The following ANKRD63 variants were observed in gnomAD, a reference collection of about 807,000 sequenced individuals.
The protein encoded by ANKRD63 is ankyrin repeat domain-containing protein 63.
Under a neutral mutation model 21.2 loss-of-function variants are expected in ANKRD63, and 18 were observed. That is an observed-to-expected ratio of 0.85 (90% confidence interval 0.59 to 1.26). The LOEUF is 1.26. Among genes scored for constraint, ANKRD63 ranks in the 50% most tolerant of loss-of-function variants. ANKRD63 has a pLI of 0.00. For missense variants in ANKRD63, 523 were observed against 570.9 expected (o/e 0.92, Z 0.85); for synonymous variants, 322 against 273.3 (o/e 1.18, Z -1.76).
rs2039532620 is a variant in ANKRD63, at chr15:40,280,756, G to C, written c.*688C>G. 6.6e-6 allele frequency among the ~76,000 whole-genome samples: 1 copy of C among 152,246 alleles called. No homozygotes were observed. Among genetic ancestry groups the C allele is most frequent in the Non-Finnish European group, 1.5e-5 (1 of 68,040 alleles). ...ATTATCAATGAAGCTGAATCCTGGG[G>C]CAGAGAGAGAGGGAGCTGGAGTTAC... On this transcript the variant is annotated 3_prime_UTR_variant, in exon 1 of 1. Transcript: ENST00000434396.
chr15:40,281,459 C>T lies in ANKRD63; in HGVS notation c.1128G>A (p.Leu376=). The stretch of plus-strand genomic sequence containing the variant: ...TTGGCGCCGTTTACCGCTGAGCACG[C>T]AGCACCACAGCCTCGGTGCCCGCCT... ...PWQAGTEAVV[L]RAQR Residue 376 remains leucine (L), a synonymous_variant, in exon 1 of 1, where the codon CTG becomes CTA. Transcript: ENST00000434396. 7.0e-7 allele frequency: 1 copy of T among 1,419,430 alleles called. No individual in the cohort carries two copies. Among genetic ancestry groups the T allele is most frequent in the Non-Finnish European group, 9.2e-7 (1 of 1,091,536 alleles). 87.9% of individuals were successfully genotyped at this position (1,419,430 alleles called of 1,614,324 possible).
Position 40,281,338 on chromosome 15 carries a change from G to A in ANKRD63, c.*106C>T. 3 of 1,027,466 alleles carry A rather than the reference G, an allele frequency of 2.9e-6. No homozygotes were observed. Among genetic ancestry groups the A allele is most frequent in the South Asian group, 2.5e-5 (1 of 39,656 alleles). 63.6% of individuals were successfully genotyped at this position (1,027,466 alleles called of 1,614,324 possible). Reference sequence around the variant, plus strand: ...TGGCAGGGAGGCAGGTTCCAAAATGGACTGCGGGGGGCGGCTGCCGAAAAG... The same window carrying A: ...TGGCAGGGAGGCAGGTTCCAAAATGAACTGCGGGGGGCGGCTGCCGAAAAG... On this transcript the variant is annotated 3_prime_UTR_variant, in exon 1 of 1. Coordinates refer to ENST00000434396, the MANE Select transcript of ANKRD63 (RefSeq NM_001190479.3).
At position 40,279,638 on chromosome 15, in the gene ANKRD63, GC is replaced by G. The variant is rs1420425056; in HGVS notation, c.*1805del. Among the ~76,000 whole-genome samples, 1 of 152,216 alleles carries G rather than the reference GC, an allele frequency of 6.6e-6. No homozygotes were observed. The highest frequency in any genetic ancestry group is 1.5e-5 in the Non-Finnish European group (1 of 68,040). Reference sequence around the variant, plus strand: ...CCTAGCGGATGGGGGCAAGCGGAGGGCAAGGACTGGATAGGTGTCCTGACAC... The same window carrying G: ...CCTAGCGGATGGGGGCAAGCGGAGGGAAGGACTGGATAGGTGTCCTGACAC... On this transcript the variant is annotated 3_prime_UTR_variant, in exon 1 of 1. Transcript: ENST00000434396.
Position 40,282,988 on chromosome 15 carries a change from G to C in ANKRD63, c.-402C>G, listed in dbSNP as rs1049032480. On this transcript the variant is annotated 5_prime_UTR_variant, in exon 1 of 1. Transcript: ENST00000434396. ...GTGCCACTCACCCGCACCCAGGGCA[G>C]CCCCCGCTCCCCCGCAGCGACGGTG... 6.6e-6 allele frequency among the ~76,000 whole-genome samples: 1 copy of C among 152,202 alleles called. No individual in the cohort carries two copies. The highest frequency in any genetic ancestry group is 1.5e-5 in the Non-Finnish European group (1 of 68,010).
In ANKRD63 at chr15:40,280,137, A is replaced by C. The variant is rs2039524833; in HGVS notation, c.*1307T>G. Among the ~76,000 whole-genome samples, 2 of 152,250 alleles carry C rather than the reference A, an allele frequency of 1.3e-5. No individual in the cohort carries two copies. Among genetic ancestry groups the C allele is most frequent in the Non-Finnish European group, 2.9e-5 (2 of 68,044 alleles). Reference sequence around the variant, plus strand: ...GGCCTGCGTCCCACGCGGTAGGACCAAGGCAGGAGTCCCGGGTCTCGAACT... The same window carrying C: ...GGCCTGCGTCCCACGCGGTAGGACCCAGGCAGGAGTCCCGGGTCTCGAACT... On this transcript the variant is annotated 3_prime_UTR_variant, in exon 1 of 1. Transcript: ENST00000434396.
rs577993255 is a variant in ANKRD63, at chr15:40,283,055, G to T, written c.-469C>A. Among the ~76,000 whole-genome samples, 8 of 152,336 alleles carry T rather than the reference G, an allele frequency of 5.3e-5. No homozygotes were observed. In the East Asian group the frequency reaches 1.5e-3, roughly 29 times the overall value. ...CCTGCCTCCAGCCCTGGCGGGGCGC[G>T]CCGCTCCTCAAGCTGCTGGCGCCGT... On this transcript the variant is annotated 5_prime_UTR_variant, in exon 1 of 1. Coordinates refer to ENST00000434396, the MANE Select transcript of ANKRD63 (RefSeq NM_001190479.3).
At position 40,282,687 on chromosome 15, in the gene ANKRD63, T is replaced by G. The variant is rs547402653; in HGVS notation, c.-101A>C. On this transcript the variant is annotated 5_prime_UTR_variant, in exon 1 of 1. Coordinates refer to ENST00000434396, the MANE Select transcript of ANKRD63 (RefSeq NM_001190479.3). ...CGGCCTCCGCCCGCGCTCTGATACCTCTCCCTCCGCGCGTGGGCGGCTGCA... is the reference window on the plus strand; with the variant it reads ...CGGCCTCCGCCCGCGCTCTGATACCGCTCCCTCCGCGCGTGGGCGGCTGCA... 2.0e-5 allele frequency: 18 copies of G among 900,782 alleles called. No homozygotes were observed. The East Asian group carries it at 4.4e-4, about 22-fold the overall frequency. 55.8% of individuals were successfully genotyped at this position (900,782 alleles called of 1,614,324 possible).
rs1028348617 is a variant in ANKRD63, at chr15:40,282,257, G to C, written c.330C>G (p.Pro110=). Residue 110 remains proline, a synonymous_variant, in exon 1 of 1, where the codon CCC becomes CCG. Coordinates refer to ENST00000434396, the MANE Select transcript of ANKRD63 (RefSeq NM_001190479.3). Reference sequence around the variant, plus strand: ...TGTTGCCCGCAGAGTCGGCCGCCTCGGGGTCACCGCTGAACTGCACCAGCA... The same window carrying C: ...TGTTGCCCGCAGAGTCGGCCGCCTCCGGGTCACCGCTGAACTGCACCAGCA... ...VQLLVQFSGD[P]EAADSAGNSP... is the part of the protein sequence containing the mutation. 8.6e-6 allele frequency: 13 copies of C among 1,519,768 alleles called. No homozygotes were observed. The highest frequency in any genetic ancestry group is 2.4e-5 in the South Asian group (2 of 82,790). The allele number at this position is 1,519,768 out of a possible 1,614,324, so 94.1% of individuals were successfully genotyped here. A position where few individuals can be genotyped will look rare whatever the true frequency, so the allele number is the denominator to read the frequency against.
At position 40,280,893 on chromosome 15, in the gene ANKRD63, G is replaced by C. The variant is rs2039533901; in HGVS notation, c.*551C>G. Reference sequence around the variant, plus strand: ...GTTTCTACCCTGGAAAAACATAACAGCCAGACCCCTTCCTCCTCAACCCTC... The same window carrying C: ...GTTTCTACCCTGGAAAAACATAACACCCAGACCCCTTCCTCCTCAACCCTC... On this transcript the variant is annotated 3_prime_UTR_variant, in exon 1 of 1. Coordinates refer to ENST00000434396, the MANE Select transcript of ANKRD63 (RefSeq NM_001190479.3). 6.6e-6 allele frequency among the ~76,000 whole-genome samples: 1 copy of C among 152,196 alleles called. No individual in the cohort carries two copies. The highest frequency in any genetic ancestry group is 2.4e-5 in the African/African-American group (1 of 41,446).
At position 40,281,497 on chromosome 15, in the gene ANKRD63, G is replaced by T; in HGVS notation, c.1090C>A (p.Pro364Thr). 1 of 1,468,704 alleles carries T rather than the reference G, an allele frequency of 6.8e-7. No individual in the cohort carries two copies. The highest frequency in any genetic ancestry group is 1.4e-5 in the African/African-American group (1 of 70,208). The allele number at this position is 1,468,704 out of a possible 1,614,324, so 91.0% of individuals were successfully genotyped here. Residue 364 changes from proline to threonine, a missense_variant, in exon 1 of 1, where the codon CCG becomes ACG. Coordinates refer to ENST00000434396, the MANE Select transcript of ANKRD63 (RefSeq NM_001190479.3). ...TCGGTGCCCGCCTGCCAAGGGTTCG[G>T]CCCAGGCACCGAGACAGACAGAGCG... Reference protein sequence around the residue: ...ANALSVSVPGPNPWQAGTEAV... With the variant: ...ANALSVSVPGTNPWQAGTEAV...
chr15:40,282,576 G>C lies in ANKRD63; in HGVS notation c.11C>G (p.Pro4Arg). MLK[P>R]KDLCPRAGTR... ...CCCCGCTCGGGGGCACAGGTCCTTG[G>C]GTTTGAGCATGGCCCCGGCCGCCGC... Residue 4 changes from proline to arginine, a missense_variant, in exon 1 of 1, where the codon CCC (proline) becomes CGC (arginine). Coordinates refer to ENST00000434396, the MANE Select transcript of ANKRD63 (RefSeq NM_001190479.3). 1.4e-6 allele frequency: 2 copies of C among 1,426,938 alleles called. No homozygotes were observed. Among genetic ancestry groups the C allele is most frequent in the Non-Finnish European group, 1.8e-6 (2 of 1,094,972 alleles). The allele number at this position is 1,426,938 out of a possible 1,614,324, so 88.4% of individuals were successfully genotyped here.
Position 40,282,625 on chromosome 15 carries a change from C to G in ANKRD63, c.-39G>C. 7.4e-7 allele frequency: 1 copy of G among 1,350,250 alleles called. No individual in the cohort carries two copies. The highest frequency in any genetic ancestry group is 9.5e-7 in the Non-Finnish European group (1 of 1,053,146). 83.6% of individuals were successfully genotyped at this position (1,350,250 alleles called of 1,614,324 possible). A position where few individuals can be genotyped will look rare whatever the true frequency, so the allele number is the denominator to read the frequency against. ...GCGCCCGGGCAGCCTGGCAGTTCCG[C>G]ACGGGGGCGCCCCTGTTCTCGCGCC... On this transcript the variant is annotated 5_prime_UTR_variant, in exon 1 of 1. Transcript: ENST00000434396.
Position 40,282,117 on chromosome 15 carries a change from G to A in ANKRD63, c.470C>T (p.Ala157Val). ...LDRTNRAGLT[A>V]LQLAAARGHG... Reference sequence around the variant, plus strand: ...GCCGCGGGCGGCGGCCAGTTGCAGCGCGGTGAGCCCCGCACGGTTGGTGCG... The same window carrying A: ...GCCGCGGGCGGCGGCCAGTTGCAGCACGGTGAGCCCCGCACGGTTGGTGCG... Residue 157 changes from alanine (A) to valine (V), a missense_variant, in exon 1 of 1, where the codon GCG becomes GTG. By Grantham distance (64) the Ala-to-Val change is moderately conservative (BLOSUM62 0). Transcript: ENST00000434396. 3 of 1,414,534 alleles carry A rather than the reference G, an allele frequency of 2.1e-6. No individual in the cohort carries two copies. The highest frequency in any genetic ancestry group is 3.3e-5 in the Admixed American group (1 of 29,876). The allele number at this position is 1,414,534 out of a possible 1,614,324, so 87.6% of individuals were successfully genotyped here. A position where few individuals can be genotyped will look rare whatever the true frequency, so the allele number is the denominator to read the frequency against.
rs1338106764 is a variant in ANKRD63 at position 40,281,733 on chromosome 15, T to C, written c.854A>G (p.Gln285Arg). 6.5e-7 allele frequency: 1 copy of C among 1,535,116 alleles called. No homozygotes were observed. The highest frequency in any genetic ancestry group is 8.7e-7 in the Non-Finnish European group (1 of 1,146,556). ...GCGCCACCGCCCAGTCCCCGAAGAC[T>C]GGGGCGAGTTTGGTAGGGCCATCAG... ...GALMALPNSP[Q>R]SSGTGRWRSQ... Residue 285 changes from glutamine (Q) to arginine (R), a missense_variant, in exon 1 of 1, where the codon CAG becomes CGG. Coordinates refer to ENST00000434396, the MANE Select transcript of ANKRD63 (RefSeq NM_001190479.3).
At position 40,282,700 on chromosome 15, in the gene ANKRD63, G is replaced by A; in HGVS notation, c.-114C>T. ...CGCTCTGATACCTCTCCCTCCGCGC[G>A]TGGGCGGCTGCAGCCGAGGGTCCCG... is the stretch of plus-strand genomic sequence containing the variant. On this transcript the variant is annotated 5_prime_UTR_variant, in exon 1 of 1. The change creates a new upstream start codon in the 5' untranslated region. Coordinates refer to ENST00000434396, the MANE Select transcript of ANKRD63 (RefSeq NM_001190479.3). The A allele has an allele frequency of 1.2e-6, 1 of 808,384 alleles. No homozygotes were observed. The highest frequency in any genetic ancestry group is 1.7e-6 in the Non-Finnish European group (1 of 572,246). The allele number at this position is 808,384 out of a possible 1,614,324, so 50.1% of individuals were successfully genotyped here. A position where few individuals can be genotyped will look rare whatever the true frequency, so the allele number is the denominator to read the frequency against.
rs2039522132 is a variant in ANKRD63, at chr15:40,279,883, CCCCGCGGG to C, written c.*1553_*1560del. 6.6e-6 allele frequency among the ~76,000 whole-genome samples: 1 copy of C among 152,256 alleles called. No homozygotes were observed. Among genetic ancestry groups the C allele is most frequent in the African/African-American group, 2.4e-5 (1 of 41,468 alleles). On this transcript the variant is annotated 3_prime_UTR_variant, in exon 1 of 1. Coordinates refer to ENST00000434396, the MANE Select transcript of ANKRD63 (RefSeq NM_001190479.3). ...CACAAAAGAGCCCCACCTGCCGCCT[CCCCGCGGG>C]CCAGGCGCACTGACACACGTGCTGG...
chr15:40,279,797 G>A lies in ANKRD63; in HGVS notation c.*1647C>T, dbSNP rs2039521364. 6.6e-6 allele frequency among the ~76,000 whole-genome samples: 1 copy of A among 152,246 alleles called. No homozygotes were observed. The highest frequency in any genetic ancestry group is 1.5e-5 in the Non-Finnish European group (1 of 68,046). On this transcript the variant is annotated 3_prime_UTR_variant, in exon 1 of 1. Transcript: ENST00000434396. ...TCCGTACTGCAAAGGCAAACAGATCGAAGTCTTGCAAAGACCTTACTGCAG... is the reference window on the plus strand; with the variant it reads ...TCCGTACTGCAAAGGCAAACAGATCAAAGTCTTGCAAAGACCTTACTGCAG...
chr15:40,282,215 C>T lies in ANKRD63; in HGVS notation c.372G>A (p.Ala124=), dbSNP rs2039553258. ...DSAGNSPVMW[A]AACGHGAVLE... ...GCACCGCCCCGTGGCCGCAGGCCGCCGCCCACATCACCGGGCTGTTGCCCG... is the reference window on the plus strand; with the variant it reads ...GCACCGCCCCGTGGCCGCAGGCCGCTGCCCACATCACCGGGCTGTTGCCCG... The change falls in exon 1 of 1, where the codon GCG becomes GCA. Residue 124 remains alanine, a synonymous_variant. Coordinates refer to ENST00000434396, the MANE Select transcript of ANKRD63 (RefSeq NM_001190479.3). 1 of 1,509,340 alleles carries T rather than the reference C, an allele frequency of 6.6e-7. No homozygotes were observed. The allele number at this position is 1,509,340 out of a possible 1,614,324, so 93.5% of individuals were successfully genotyped here.
rs2039551993 is a variant in ANKRD63, at chr15:40,282,143, G to A, written c.444C>T (p.Asp148=). 6 of 1,473,242 alleles carry A rather than the reference G, an allele frequency of 4.1e-6. No homozygotes were observed. In the East Asian group the frequency reaches 8.6e-5, roughly 21 times the overall value. 91.3% of individuals were successfully genotyped at this position (1,473,242 alleles called of 1,614,324 possible). A position where few individuals can be genotyped will look rare whatever the true frequency, so the allele number is the denominator to read the frequency against. The change falls in exon 1 of 1, where the codon GAC becomes GAT. Residue 148 remains aspartate (D), a synonymous_variant. Transcript: ENST00000434396. The part of the protein sequence containing the change: ...RSFRRLGLRL[D]RTNRAGLTAL... ...CGGTGAGCCCCGCACGGTTGGTGCG[G>A]TCGAGGCGCAGGCCTAGGCGGCGGA...
Sources: gnomAD v4.1 joint callset for allele counts (sites outside exome capture counted in the v4.1 genomes callset) on GRCh38, gnomAD v4.1.1 for gene constraint, MANE v1.5 for transcripts, NCBI Gene and HGNC (gene_info 2026-07-23, HGNC 2026-07-21) for gene names.